The following RTN1 variants were observed in gnomAD, a reference collection of about 807,000 sequenced individuals.
RTN1 encodes the protein reticulon 1.
In RTN1, 25 loss-of-function variants were observed where a neutral mutation model predicts 65.5. That is an observed-to-expected ratio of 0.38 (90% CI 0.28 to 0.53). The LOEUF is 0.53. Among genes scored for constraint, RTN1 ranks in the 20% least tolerant of loss-of-function variants. The pLI is 0.79. For synonymous variants in RTN1, 471 were observed against 447.6 expected, an observed-to-expected ratio of 1.05 and a Z score of -0.66; for missense variants, 983 against 1,025.4, an observed-to-expected ratio of 0.96 and a Z score of 0.57.
rs1887843028 is a variant in RTN1 at position 59,868,971 on chromosome 14, T to G, written c.241+1419A>C. On this transcript the variant is annotated intron_variant, in intron 1 of 8. Transcript: ENST00000267484. The surrounding 1 kb of genome is among the most constrained non-coding windows in gnomAD (Gnocchi z 4.0). Reference sequence around the variant, plus strand: ...GAGAGACTGAGCAGCCATTCTTAGATTTAAATCCTCCCCCACTCCTAGGGA... The same window carrying G: ...GAGAGACTGAGCAGCCATTCTTAGAGTTAAATCCTCCCCCACTCCTAGGGA... Among the ~76,000 whole-genome samples the G allele has an allele frequency of 1.3e-5, 2 of 152,326 alleles. No individual in the cohort carries two copies. The highest frequency in any genetic ancestry group is 4.1e-4 in the South Asian group (2 of 4,826).
intron 3 of RTN1, among the ~76,000 whole-genome samples, chr14:59,643,467 G>A (rs776785086): frequency 7.9e-5 from 12 of 152,236 alleles, no homozygotes; most frequent in Admixed American, 2.6e-4. Context: ...ACCCATCCGC[G>A]TTGGCCTCCC....
intron 3 of RTN1, among the ~76,000 whole-genome samples, chr14:59,673,461 C>T (rs532627073): frequency 6.6e-6 from 1 of 152,310 alleles, no homozygotes; most frequent in East Asian, 1.9e-4. Flanking sequence ...AACATCTGCA[C>T]ACACCAGAGA....
intron 3 of RTN1, among the ~76,000 whole-genome samples, chr14:59,664,161 T>C (rs4901952): frequency 0.42 from 64,156 of 152,038 alleles, 14,445 homozygotes; most frequent in African/African-American, 0.57. Context: ...GTTCATATCC[T>C]TTGCAGGGAC....
intron 3 of RTN1, among the ~76,000 whole-genome samples, chr14:59,658,918 G>T (rs918835411): frequency 6.6e-6 from 1 of 152,064 alleles, no homozygotes; most frequent in Non-Finnish European, 1.5e-5. Flanking sequence ...TCAGAAGGTG[G>T]GTGATAACAA....
At chr14:59,750,075 T>C (rs1410548012) in intron 1 of RTN1, among the ~76,000 whole-genome samples, 4 of 78,638 alleles carry the variant, frequency 5.1e-5, no homozygotes, top group Non-Finnish European at 8.4e-5. Context: ...TTATATATTA[T>C]ATATTATAGA....
intron 1 of RTN1, among the ~76,000 whole-genome samples, chr14:59,786,375 G>A (rs1458715415): frequency 6.6e-6 from 1 of 152,188 alleles, no homozygotes; most frequent in African/African-American, 2.4e-5. Flanking sequence ...GTAAGTGGCA[G>A]TGACTATTAG....
chr14:59,744,310 G>T (rs917742939), intron 2 of RTN1, among the ~76,000 whole-genome samples: 2 of 152,316 alleles, frequency 1.3e-5, no homozygotes, highest in Non-Finnish European at 2.9e-5. Context: ...GCAGGGGAAG[G>T]TTTGAGGACC....
chr14:59,705,075 C>G (rs1884262550), intron 3 of RTN1, among the ~76,000 whole-genome samples: 1 of 152,108 alleles, frequency 6.6e-6, no homozygotes, highest in Non-Finnish European at 1.5e-5. Context: ...CCTAGAAGCA[C>G]CTTATCGAAA....
chr14:59,695,484 TC>T (rs1160859616), intron 3 of RTN1, among the ~76,000 whole-genome samples: 1 of 152,134 alleles, frequency 6.6e-6, no homozygotes, highest in African/African-American at 2.4e-5. Context: ...GGACAGCATG[TC>T]CTAGACAGGG....
intron 3 of RTN1, among the ~76,000 whole-genome samples, chr14:59,611,605 A>G (rs1029592116): frequency 6.6e-6 from 1 of 151,964 alleles, no homozygotes; most frequent in African/African-American, 2.4e-5. Flanking sequence ...TAGCTCCACC[A>G]TGGGGTGTCT....
intron 3 of RTN1, among the ~76,000 whole-genome samples, chr14:59,628,741 A>G (rs561652517): frequency 5.8e-4 from 89 of 152,362 alleles, no homozygotes; most frequent in Non-Finnish European, 1.0e-3. Context: ...TTCTAATGAT[A>G]AAAGTCCATG....
At chr14:59,733,557 T>A (rs534406705) in intron 2 of RTN1, among the ~76,000 whole-genome samples, 4 of 152,262 alleles carry the variant, frequency 2.6e-5, no homozygotes, top group Admixed American at 2.6e-4. Context: ...TGGGCTGGCA[T>A]TCTAGCCTGG....
intron 1 of RTN1, among the ~76,000 whole-genome samples, chr14:59,749,228 CTATA>C (rs1294784718): frequency 5.2e-5 from 2 of 38,682 alleles, no homozygotes; most frequent in Non-Finnish European, 8.2e-5. Flanking sequence ...ATCTATATAT[CTATA>C]TATATCTATA....
At position 59,745,848 on chromosome 14, in the gene RTN1, A is replaced by G. The variant is rs1223475128; in HGVS notation, c.875T>C (p.Val292Ala). The G allele has an allele frequency of 6.2e-7, 1 of 1,613,978 alleles. No homozygotes were observed. Among genetic ancestry groups the G allele is most frequent in the Non-Finnish European group, 8.5e-7 (1 of 1,180,020 alleles). ...GGTCTTCTCTTGGGTAGTGGTTTCA[A>G]CAGAAGGTTCTATTTCCGTCAGTGT... ...KITLTEIEPS[V>A]ETTTQEKTPE... Residue 292 changes from valine to alanine, a missense_variant, in exon 2 of 9, where the codon GTT becomes GCT. Transcript: ENST00000267484.
At chr14:59,630,324 C>T in intron 3 of RTN1, 1 of 1,236,960 alleles carries the variant, frequency 8.1e-7, no homozygotes, top group South Asian at 1.3e-5. Flanking sequence ...TACCCCCCAA[C>T]ACAAAGCTCT....
intron 2 of RTN1, among the ~76,000 whole-genome samples, chr14:59,736,258 A>C (rs977984518): frequency 1.2e-4 from 18 of 152,120 alleles, no homozygotes; most frequent in Admixed American, 2.6e-4. Flanking sequence ...TTTAAAAAAT[A>C]ATTTTAAAAA....
intron 1 of RTN1, among the ~76,000 whole-genome samples, chr14:59,839,578 A>C (rs1286495274): frequency 1.3e-5 from 2 of 152,182 alleles, no homozygotes; most frequent in African/African-American, 4.8e-5. Flanking sequence ...TAGTTTGAGA[A>C]AAGCAAAAGT....
At chr14:59,746,628 A>C in intron 1 of RTN1, 147 bp from the exon 2 acceptor site, 1 of 634,916 alleles carries the variant, frequency 1.6e-6, no homozygotes, top group Non-Finnish European at 2.7e-6. Context: ...CCCTCAGAGC[A>C]CCAGCATGTT....
chr14:59,826,934 T>A lies in RTN1; in HGVS notation c.241+43456A>T, dbSNP rs541240611. Among the ~76,000 whole-genome samples, 3 of 152,098 alleles carry A rather than the reference T, an allele frequency of 2.0e-5. No homozygotes were observed. In the South Asian group the frequency reaches 6.2e-4, roughly 32 times the overall value. ...TTGACTGCTAGAGAGAGATGGAAGG[T>A]GGGAGCAGAGTATTTAGAATGGGTA... On this transcript the variant is annotated intron_variant, in intron 1 of 8. Transcript: ENST00000267484.
Sources: gnomAD v4.1 joint callset for allele counts (sites outside exome capture counted in the v4.1 genomes callset) on GRCh38, gnomAD v4.1.1 for gene constraint, Gnocchi (gnomAD v3.1) non-coding constraint, MANE v1.5 for transcripts, NCBI Gene and HGNC (gene_info 2026-07-23, HGNC 2026-07-21) for gene names.